Variants in TFDP2 observed in about 807,000 individuals in gnomAD.
TFDP2 encodes the protein transcription factor Dp-2 (E2F dimerization partner 2).
In TFDP2, 17 loss-of-function variants were observed where a neutral mutation model predicts 59.3. That is an observed-to-expected ratio of 0.29 (90% CI 0.20 to 0.43). TFDP2 has a LOEUF of 0.43. TFDP2 is among the 20% of genes least tolerant of loss of function. The pLI, the probability that TFDP2 is intolerant of heterozygous loss-of-function variation, is 1.00. For missense variants in TFDP2, 391 were observed against 528.8 expected (o/e 0.74, Z 2.56); for synonymous variants, 180 against 194.7 (o/e 0.92, Z 0.63).
intron 3 of TFDP2, among the ~76,000 whole-genome samples, chr3:142,022,729 G>A (rs1205692046): frequency 6.6e-6 from 1 of 152,168 alleles, no homozygotes; most frequent in Non-Finnish European, 1.5e-5. Context: ...AGCCAGACAG[G>A]GGTAACAGAT....
At chr3:142,041,159 G>C (rs1242325904) in intron 3 of TFDP2, among the ~76,000 whole-genome samples, 2 of 152,142 alleles carry the variant, frequency 1.3e-5, no homozygotes, top group Non-Finnish European at 1.5e-5. Flanking sequence ...CATAAGTGAG[G>C]GCTGACTTGT....
intron 1 of TFDP2, among the ~76,000 whole-genome samples, chr3:142,128,951 A>C (rs770155524): frequency 7.2e-5 from 11 of 152,198 alleles, no homozygotes; most frequent in Non-Finnish European, 1.3e-4. Flanking sequence ...ACTAATATGA[A>C]AATGTCATCT....
At chr3:142,007,865 T>C (rs1469304089) in intron 3 of TFDP2, among the ~76,000 whole-genome samples, 5 of 152,140 alleles carry the variant, frequency 3.3e-5, no homozygotes, top group Admixed American at 6.6e-5. Flanking sequence ...ATGCGAGTGA[T>C]GGGGAGTGGC....
In TFDP2 at chr3:142,018,224, G is replaced by A. The variant is rs558031183; in HGVS notation, c.83-12680C>T. 5.9e-5 allele frequency among the ~76,000 whole-genome samples: 9 copies of A among 152,094 alleles called. No individual in the cohort carries two copies. The East Asian group carries it at 9.8e-4, about 16-fold the overall frequency. On this transcript the variant is annotated intron_variant, in intron 3 of 12. Coordinates refer to ENST00000489671, the MANE Select transcript of TFDP2 (RefSeq NM_001178139.2). ...CTCCCAAAGTGCTAGGATTACAGGC[G>A]TCAGCCACCGTACCAGGCCTCAATG...
chr3:141,979,931 C>A (rs1230857219), intron 6 of TFDP2, among the ~76,000 whole-genome samples: 6 of 149,624 alleles, frequency 4.0e-5, no homozygotes, highest in Non-Finnish European at 7.4e-5. Context: ...TTTTTGGATT[C>A]AGGGTCTCAC....
In TFDP2 at chr3:141,952,558, A is replaced by T; in HGVS notation, c.1296T>A (p.Asp432Glu). 4.5e-6 allele frequency: 7 copies of T among 1,560,634 alleles called. No individual in the cohort carries two copies. The highest frequency in any genetic ancestry group is 6.0e-6 in the Non-Finnish European group (7 of 1,163,380). Reference sequence around the variant, plus strand: ...CCTCCTCATCATCTTCCTCATCTTCATCATTGAACGAACAGGGGGTCTCGC... The same window carrying T: ...CCTCCTCATCATCTTCCTCATCTTCTTCATTGAACGAACAGGGGGTCTCGC... ...SRGETPCSFN[D>E]EDEEDDEEDS... Residue 432 changes from aspartate (D) to glutamate (E), a missense_variant, in exon 13 of 13, where the codon GAT becomes GAA. By Grantham distance (45) the Asp-to-Glu change is conservative (BLOSUM62 2). Coordinates refer to ENST00000489671, the MANE Select transcript of TFDP2 (RefSeq NM_001178139.2).
At chr3:141,958,276 G>A (rs906241893) in intron 11 of TFDP2, among the ~76,000 whole-genome samples, 2 of 152,000 alleles carry the variant, frequency 1.3e-5, no homozygotes, top group Non-Finnish European at 2.9e-5. Context: ...AAGCTGTGAT[G>A]TATTCATATA....
rs1368718115 is a variant in TFDP2, at chr3:142,090,374, T to TA, written c.82+2686dup. ...TTCCTCTCCATTTGTTCTATAAAGT[T>TA]AAACAAACTGAGGTTTTACTCTGTA... is the stretch of plus-strand genomic sequence containing the variant. On this transcript the variant is annotated intron_variant, in intron 3 of 12. Transcript: ENST00000489671. Among the ~76,000 whole-genome samples, 6 of 152,316 alleles carry TA rather than the reference T, an allele frequency of 3.9e-5. No individual in the cohort carries two copies. In the South Asian group the frequency reaches 6.2e-4, roughly 16 times the overall value.
intron 1 of TFDP2, among the ~76,000 whole-genome samples, chr3:142,138,822 G>T (rs140560608): frequency 5.9e-5 from 9 of 152,328 alleles, no homozygotes; most frequent in African/African-American, 1.9e-4. Flanking sequence ...GTGTGATATG[G>T]TGCTGAGAAG....
intron 8 of TFDP2, among the ~76,000 whole-genome samples, chr3:141,971,141 T>C (rs1939667679): frequency 6.6e-6 from 1 of 151,908 alleles, no homozygotes; most frequent in Non-Finnish European, 1.5e-5. Context: ...ATCTGATAAC[T>C]ACTCAGAGAA....
intron 3 of TFDP2, among the ~76,000 whole-genome samples, chr3:142,032,760 T>C (rs1241381641): frequency 1.3e-5 from 2 of 152,196 alleles, no homozygotes; most frequent in East Asian, 3.8e-4. Flanking sequence ...CCACATTGTT[T>C]CCATTTTTTT....
At chr3:142,022,700 G>A (rs1300174585) in intron 3 of TFDP2, among the ~76,000 whole-genome samples, 6 of 152,200 alleles carry the variant, frequency 3.9e-5, no homozygotes, top group Non-Finnish European at 7.3e-5. Flanking sequence ...TCATGAAGAA[G>A]CTCACAGTCC....
chr3:142,044,780 A>G (rs1370404482), intron 3 of TFDP2, among the ~76,000 whole-genome samples: 1 of 152,190 alleles, frequency 6.6e-6, no homozygotes, highest in Admixed American at 6.5e-5. Flanking sequence ...GTCAAAGTGT[A>G]TTTGGGATCA....
At chr3:141,964,163 A>T (rs1937610795) in intron 9 of TFDP2, among the ~76,000 whole-genome samples, 200 bp from the exon 10 acceptor site, 3 of 152,160 alleles carry the variant, frequency 2.0e-5, no homozygotes, top group African/African-American at 7.2e-5. Context: ...CATCATCCAT[A>T]GAAACAGGAC....
At chr3:141,987,520 C>T (rs1036451919) in intron 6 of TFDP2, among the ~76,000 whole-genome samples, 4 of 145,648 alleles carry the variant, frequency 2.7e-5, no homozygotes, top group Non-Finnish European at 4.5e-5. Flanking sequence ...TGAGCTCAGG[C>T]GATCCACCCA....
chr3:142,022,473 CACT>C (rs1945691990), intron 3 of TFDP2, among the ~76,000 whole-genome samples: 1 of 152,110 alleles, frequency 6.6e-6, no homozygotes, highest in African/African-American at 2.4e-5. Flanking sequence ...TTTCAATCAC[CACT>C]GTTAGCACCA....
rs115310665 is a variant in TFDP2, at chr3:142,027,513, G to A, written c.83-21969C>T. The stretch of plus-strand genomic sequence containing the variant: ...CTCTCCCTCTCCCTCTCCCACTCCC[G>A]CTCCCCACCCACACTAAGTTCCTTA... On this transcript the variant is annotated intron_variant, in intron 3 of 12. Transcript: ENST00000489671. Among the ~76,000 whole-genome samples, 783 of 149,292 alleles carry A rather than the reference G, an allele frequency of 5.2e-3. 11 individuals carry two copies. Among genetic ancestry groups the A allele is most frequent in the African/African-American group, 0.019 (760 of 40,954 alleles).
At chr3:142,056,059 T>C (rs528740609) in intron 3 of TFDP2, among the ~76,000 whole-genome samples, 1 of 146,362 alleles carries the variant, frequency 6.8e-6, no homozygotes, top group East Asian at 2.2e-4. Context: ...GTTCAAGCGA[T>C]TCTCCTGCCT....
In TFDP2 at chr3:141,952,499, G is replaced by A; in HGVS notation, c.*14C>T. 1 of 1,515,664 alleles carries A rather than the reference G, an allele frequency of 6.6e-7. No individual in the cohort carries two copies. The highest frequency in any genetic ancestry group is 8.8e-7 in the Non-Finnish European group (1 of 1,140,192). 93.9% of individuals were successfully genotyped at this position (1,515,664 alleles called of 1,614,324 possible). ...ATGAGCATCACATATTGAAACGTAG[G>A]CTTTCTCTTGTCTTTATTCTGGGGA... is the stretch of plus-strand genomic sequence containing the variant. On this transcript the variant is annotated 3_prime_UTR_variant, in exon 13 of 13. Transcript: ENST00000489671.
Sources: gnomAD v4.1 joint callset for allele counts (sites outside exome capture counted in the v4.1 genomes callset) on GRCh38, gnomAD v4.1.1 for gene constraint, MANE v1.5 for transcripts, NCBI Gene and HGNC (gene_info 2026-07-23, HGNC 2026-07-21) for gene names.